The following STAG1 variants were observed in gnomAD, a reference collection of about 807,000 sequenced individuals.
STAG1 encodes STAG1 cohesin complex component, also known as cohesin subunit SA-1.
In STAG1, 26 loss-of-function variants were observed where a neutral mutation model predicts 170.9. The observed-to-expected ratio is 0.15, with a 90% confidence interval of 0.11 to 0.21. The LOEUF (loss-of-function observed/expected upper bound fraction) is 0.21. Ranked by LOEUF, STAG1 falls within the 10% of genes least tolerant of loss-of-function variation. STAG1 has a pLI of 1.00. For synonymous variants in STAG1, 514 were observed against 497.7 expected (o/e 1.03, Z -0.44); for missense variants, 964 against 1,509.5 (o/e 0.64, Z 5.99).
intron 5 of STAG1, among the ~76,000 whole-genome samples, chr3:136,556,404 C>A (rs1324232955): frequency 6.6e-6 from 1 of 152,092 alleles, no homozygotes; most frequent in East Asian, 1.9e-4. Context: ...TGGGTAGAGG[C>A]CAGAGATGCT....
At chr3:136,458,952 G>A (rs944675300) in intron 13 of STAG1, among the ~76,000 whole-genome samples, 1 of 152,150 alleles carries the variant, frequency 6.6e-6, no homozygotes, top group African/African-American at 2.4e-5. Context: ...AGGCACGGTG[G>A]TGCAAGCCTG....
intron 1 of STAG1, among the ~76,000 whole-genome samples, chr3:136,738,135 A>T (rs1449795506): frequency 6.6e-6 from 1 of 152,162 alleles, no homozygotes; most frequent in Non-Finnish European, 1.5e-5. Context: ...CACAGAGAAT[A>T]ATGAATGGTG....
chr3:136,461,514 T>C (rs1213659487), intron 13 of STAG1, among the ~76,000 whole-genome samples: 1 of 150,966 alleles, frequency 6.6e-6, no homozygotes, highest in Non-Finnish European at 1.5e-5. Flanking sequence ...AGCATTCTTG[T>C]ACAGCAAAAG....
intron 29 of STAG1, among the ~76,000 whole-genome samples, chr3:136,347,302 A>T (rs1936264204): frequency 6.8e-6 from 1 of 148,108 alleles, no homozygotes; most frequent in Non-Finnish European, 1.5e-5. Context: ...AGGCTGAGGC[A>T]GGAGAATTGC....
At chr3:136,536,434 T>C (rs965254114) in intron 6 of STAG1, among the ~76,000 whole-genome samples, 5 of 152,000 alleles carry the variant, frequency 3.3e-5, no homozygotes, top group African/African-American at 4.8e-5. Context: ...AAACACAGAA[T>C]AGGACAGTAG....
In STAG1 at chr3:136,443,167, C is replaced by G. The variant is rs764417818; in HGVS notation, c.1546+120G>C. On this transcript the variant is annotated intron_variant, in intron 15 of 33. Coordinates refer to ENST00000383202, the MANE Select transcript of STAG1 (RefSeq NM_005862.3). ...CTTGTTACAGAAAACAAATTGTTCT[C>G]TTGGCAAAAAGACACAACATGCTTA... 1.6e-4 allele frequency: 94 copies of G among 579,500 alleles called. 1 individual carries two copies. The highest frequency in any genetic ancestry group is 4.3e-4 in the Admixed American group (13 of 30,330). The allele number at this position is 579,500 out of a possible 1,614,324, so 35.9% of individuals were successfully genotyped here.
chr3:136,636,318 G>A (rs558508168), intron 1 of STAG1, among the ~76,000 whole-genome samples: 75 of 151,974 alleles, frequency 4.9e-4, no homozygotes, highest in Non-Finnish European at 3.2e-4. Context: ...GCAGGTGGTG[G>A]TAGTGGGGTG....
chr3:136,606,750 C>CTTTTTT (rs529115947), intron 3 of STAG1, among the ~76,000 whole-genome samples: 3 of 126,944 alleles, frequency 2.4e-5, no homozygotes, highest in Non-Finnish European at 3.3e-5. Flanking sequence ...AGGTAACATG[C>CTTTTTT]TTTTTTTTTT....
intron 4 of STAG1, among the ~76,000 whole-genome samples, chr3:136,576,689 G>C (rs1019576171): frequency 6.6e-6 from 1 of 152,186 alleles, no homozygotes; most frequent in African/African-American, 2.4e-5. Context: ...TTAAAGATGA[G>C]TTTTAAATCT....
At chr3:136,370,738 A>G (rs951460585) in intron 23 of STAG1, among the ~76,000 whole-genome samples, 1 of 152,034 alleles carries the variant, frequency 6.6e-6, no homozygotes, top group African/African-American at 2.4e-5. Context: ...TATGTGCCAC[A>G]TTTTCTTAAT....
intron 3 of STAG1, among the ~76,000 whole-genome samples, chr3:136,616,039 C>G (rs1000471494): frequency 6.6e-6 from 1 of 151,868 alleles, no homozygotes; most frequent in Non-Finnish European, 1.5e-5. Context: ...GAGGCCAAGG[C>G]GGGTGGATCA....
intron 12 of STAG1, among the ~76,000 whole-genome samples, chr3:136,466,039 C>T (rs1179254531): frequency 6.6e-6 from 1 of 152,088 alleles, no homozygotes; most frequent in Non-Finnish European, 1.5e-5. Flanking sequence ...GTAGATAAAA[C>T]CACAAAGATG....
chr3:136,651,878 C>T (rs1414523765), intron 1 of STAG1, among the ~76,000 whole-genome samples: 2 of 152,152 alleles, frequency 1.3e-5, no homozygotes, highest in African/African-American at 2.4e-5. Flanking sequence ...GGGAGGCACA[C>T]ACACAGTGAA....
In STAG1 at chr3:136,630,933, A is replaced by T; in HGVS notation, c.-35T>A. The T allele has an allele frequency of 6.4e-7, 1 of 1,555,696 alleles. No homozygotes were observed. Among genetic ancestry groups the T allele is most frequent in the Non-Finnish European group, 8.7e-7 (1 of 1,148,858 alleles). The stretch of plus-strand genomic sequence containing the variant: ...GGTCCTTTCACAATGCAGCAAAATA[A>T]TCAAGTGCTGTACAACTCAAAACTT... On this transcript the variant is annotated 5_prime_UTR_variant, in exon 2 of 34. Transcript: ENST00000383202.
At chr3:136,689,867 T>A (rs868437183) in intron 1 of STAG1, among the ~76,000 whole-genome samples, 2 of 151,282 alleles carry the variant, frequency 1.3e-5, no homozygotes, top group South Asian at 2.1e-4. Context: ...GATGGTAAAA[T>A]CCCATCTCTA....
intron 1 of STAG1, among the ~76,000 whole-genome samples, chr3:136,673,746 A>G (rs772032007): frequency 1.3e-5 from 2 of 152,160 alleles, no homozygotes; most frequent in Non-Finnish European, 2.9e-5. Flanking sequence ...TGGTTATAAC[A>G]TACTTGCTAA....
At chr3:136,615,356 A>C (rs1180746624) in intron 3 of STAG1, among the ~76,000 whole-genome samples, 1 of 150,894 alleles carries the variant, frequency 6.6e-6, no homozygotes, top group East Asian at 1.9e-4. Flanking sequence ...CTTTTTCATA[A>C]AATGGCATTG....
intron 15 of STAG1, among the ~76,000 whole-genome samples, chr3:136,436,377 G>A (rs891387893): frequency 6.6e-6 from 1 of 151,878 alleles, no homozygotes; most frequent in African/African-American, 2.4e-5. Context: ...TGCCTCCTAG[G>A]TTCAAGTGAT....
chr3:136,546,638 G>GAGGCCATGAGTGAAATAATCTGATAT (rs2107732679), intron 5 of STAG1, among the ~76,000 whole-genome samples: 1 of 152,234 alleles, frequency 6.6e-6, no homozygotes, highest in African/African-American at 2.4e-5. Context: ...TCTAATTAAT[G>GAGGCCATGAGTGAAATAATCTGATAT]AGGCCATGAG....
Sources: allele counts gnomAD v4.1 joint callset (sites outside exome capture counted in the v4.1 genomes callset), GRCh38; gene constraint gnomAD v4.1.1; transcripts MANE v1.5; gene names NCBI Gene and HGNC (gene_info 2026-07-23, HGNC 2026-07-21).